Variants in DTD1 observed in about 807,000 individuals in gnomAD.
DTD1 encodes the protein D-tyrosyl-tRNA deacylase 1 homolog.
In DTD1, 13 loss-of-function variants were observed where a neutral mutation model predicts 25.6. The observed-to-expected ratio is 0.51, with a 90% confidence interval of 0.33 to 0.81. DTD1 has a LOEUF of 0.81. DTD1 is among the 30% of genes least tolerant of loss of function. DTD1 has a pLI of 0.02. For synonymous variants in DTD1, 110 were observed against 103.6 expected (o/e 1.06, Z -0.37); for missense variants, 193 against 266.4 (o/e 0.72, Z 1.92).
At chr20:18,758,751 T>C (rs987835481) in intron 5 of DTD1, among the ~76,000 whole-genome samples, 1 of 152,192 alleles carries the variant, frequency 6.6e-6, no homozygotes, top group African/African-American at 2.4e-5. Context: ...ATCCTGTTGA[T>C]TTGGGGTGGA....
chr20:18,682,060 G>C (rs1221285018), intron 4 of DTD1, among the ~76,000 whole-genome samples: 1 of 152,198 alleles, frequency 6.6e-6, no homozygotes, highest in East Asian at 1.9e-4. Context: ...TAACAGTACA[G>C]TGTTATTTGA....
At chr20:18,703,299 C>T (rs1203167015) in intron 4 of DTD1, among the ~76,000 whole-genome samples, 1 of 151,918 alleles carries the variant, frequency 6.6e-6, no homozygotes, top group African/African-American at 2.4e-5. Flanking sequence ...TTTCTTTTTT[C>T]CTTCTGGGTC....
intron 5 of DTD1, among the ~76,000 whole-genome samples, chr20:18,753,632 A>G (rs1365449696): frequency 2.0e-5 from 3 of 148,692 alleles, no homozygotes; most frequent in Non-Finnish European, 4.5e-5. Context: ...AGACGTTGAT[A>G]TATAAATAAG....
chr20:18,711,432 A>T (rs562258324), intron 4 of DTD1, among the ~76,000 whole-genome samples: 1 of 151,860 alleles, frequency 6.6e-6, no homozygotes, highest in Non-Finnish European at 1.5e-5. Context: ...TGGAGCTCCC[A>T]TGGGGCTTAC....
intron 5 of DTD1, among the ~76,000 whole-genome samples, chr20:18,756,544 T>C (rs2061340086): frequency 6.6e-6 from 1 of 152,242 alleles, no homozygotes; most frequent in African/African-American, 2.4e-5. Flanking sequence ...CCCCATTTCT[T>C]GTTTTTGTCA....
intron 3 of DTD1, among the ~76,000 whole-genome samples, chr20:18,624,041 AG>A (rs893535524): frequency 5.3e-5 from 8 of 152,066 alleles, no homozygotes; most frequent in African/African-American, 1.7e-4. Flanking sequence ...GTGCCCTGTC[AG>A]GGAAGGAAGC....
intron 5 of DTD1, among the ~76,000 whole-genome samples, chr20:18,758,841 CGTT>C (rs1218540451): frequency 3.3e-5 from 5 of 152,250 alleles, no homozygotes; most frequent in African/African-American, 4.8e-5. Context: ...CTTTCTGTCT[CGTT>C]GATCTGTCTA....
chr20:18,653,343 A>G (rs919436957), intron 4 of DTD1, among the ~76,000 whole-genome samples: 1 of 152,214 alleles, frequency 6.6e-6, no homozygotes, highest in Middle Eastern at 3.2e-3. Context: ...GCAGTGAGCC[A>G]AGATCGTACC....
chr20:18,597,033 C>T (rs2022808795), intron 3 of DTD1, among the ~76,000 whole-genome samples: 1 of 152,106 alleles, frequency 6.6e-6, no homozygotes, highest in South Asian at 2.1e-4. Flanking sequence ...TCTACCATTA[C>T]AGTATCATAC....
chr20:18,601,392 G>C (rs1227037723), intron 3 of DTD1, among the ~76,000 whole-genome samples: 1 of 151,754 alleles, frequency 6.6e-6, no homozygotes, highest in East Asian at 1.9e-4. Context: ...CCAGTTACTT[G>C]GGAGGCTGAG....
At chr20:18,747,818 T>G (rs2061306022) in intron 5 of DTD1, among the ~76,000 whole-genome samples, 1 of 149,858 alleles carries the variant, frequency 6.7e-6, no homozygotes, top group African/African-American at 2.5e-5. Context: ...CGAGACCATC[T>G]GGCCAATATG....
intron 4 of DTD1, among the ~76,000 whole-genome samples, chr20:18,680,649 A>G (rs911135): frequency 0.47 from 71,050 of 151,714 alleles, 17,376 homozygotes; most frequent in East Asian, 0.59. Context: ...CCTGATTCCA[A>G]TGTGGGGTGC....
intron 3 of DTD1, among the ~76,000 whole-genome samples, chr20:18,619,359 CAT>C (rs2060723818): frequency 6.6e-6 from 1 of 152,152 alleles, no homozygotes; most frequent in Non-Finnish European, 1.5e-5. Context: ...TTCTATGACT[CAT>C]ATGACATTTT....
intron 3 of DTD1, among the ~76,000 whole-genome samples, chr20:18,618,406 T>C (rs1026653288): frequency 6.6e-6 from 1 of 151,532 alleles, no homozygotes; most frequent in African/African-American, 2.4e-5. Flanking sequence ...GGCTGGACTG[T>C]AGTGGCATCA....
chr20:18,592,844 G>A (rs1342716868), intron 1 of DTD1, among the ~76,000 whole-genome samples: 1 of 151,810 alleles, frequency 6.6e-6, no homozygotes, highest in Non-Finnish European at 1.5e-5. Flanking sequence ...CACCATGCCC[G>A]GCTAATTTTT....
intron 4 of DTD1, among the ~76,000 whole-genome samples, chr20:18,675,838 G>T: frequency 7.5e-6 from 1 of 132,720 alleles, no homozygotes; most frequent in African/African-American, 2.7e-5. Flanking sequence ...ATATACCTAT[G>T]TGTATATTTA....
chr20:18,747,976 G>A (rs1275888615), intron 5 of DTD1, among the ~76,000 whole-genome samples: 2 of 152,054 alleles, frequency 1.3e-5, no homozygotes, highest in Non-Finnish European at 2.9e-5. Context: ...CCAAGATTGC[G>A]CTACTGCACT....
At chr20:18,635,297 G>A (rs1334064800) in intron 4 of DTD1, among the ~76,000 whole-genome samples, 1 of 152,242 alleles carries the variant, frequency 6.6e-6, no homozygotes, top group Non-Finnish European at 1.5e-5. Flanking sequence ...TGGGAACTCA[G>A]CAAAGCGTCC....
chr20:18,629,450 G>A (rs771884300), intron 4 of DTD1, among the ~76,000 whole-genome samples: 1 of 151,550 alleles, frequency 6.6e-6, no homozygotes, highest in Non-Finnish European at 1.5e-5. Flanking sequence ...ACAGGCATAC[G>A]CTACCATGCT....
Sources: allele counts gnomAD v4.1 joint callset (sites outside exome capture counted in the v4.1 genomes callset), GRCh38; gene constraint gnomAD v4.1.1; transcripts MANE v1.5; gene names NCBI Gene and HGNC (gene_info 2026-07-23, HGNC 2026-07-21).